The following KCNQ3 variants were observed in gnomAD, a reference collection of about 807,000 sequenced individuals.
KCNQ3 encodes potassium voltage-gated channel subfamily Q member 3.
In KCNQ3, 30 loss-of-function variants were observed where a neutral mutation model predicts 92.5. The observed-to-expected ratio is 0.32, with a 90% CI of 0.24 to 0.44. The LOEUF (loss-of-function observed/expected upper bound fraction) is 0.44, where lower values mean the gene tolerates loss of function less well. Among genes scored for constraint, KCNQ3 ranks in the 20% least tolerant of loss-of-function variants. The pLI is 1.00. For synonymous variants in KCNQ3, 450 were observed against 468.8 expected (o/e 0.96, Z 0.52); for missense variants, 913 against 1,140.3 (o/e 0.80, Z 2.87).
At chr8:132,396,945 TGTGC>T (rs1300638902) in intron 1 of KCNQ3, among the ~76,000 whole-genome samples, 22 of 143,926 alleles carry the variant, frequency 1.5e-4, no homozygotes, top group Non-Finnish European at 2.6e-4. Context: ...AAATTGTGTG[TGTGC>T]GTGTGTGTGT....
At chr8:132,212,235 C>T (rs1813884223) in intron 1 of KCNQ3, among the ~76,000 whole-genome samples, 1 of 152,072 alleles carries the variant, frequency 6.6e-6, no homozygotes, top group African/African-American at 2.4e-5. Context: ...AAGAATTTAG[C>T]TAATTCCTGC....
rs140541497 is a variant in KCNQ3, at chr8:132,404,428, T to C, written c.386+75719A>G. ...GTGATTAAAGTCCCTAATCAGATGA[T>C]TTTAAGAATGGGAAAGTATCCAAGA... On this transcript the variant is annotated intron_variant, in intron 1 of 14. Transcript: ENST00000388996. 8.6e-3 allele frequency among the ~76,000 whole-genome samples: 1,307 copies of C among 152,312 alleles called. 17 individuals are homozygous for C. The highest frequency in any genetic ancestry group is 0.012 in the Non-Finnish European group (849 of 68,028).
chr8:132,142,466 A>T (rs531578106), intron 9 of KCNQ3, among the ~76,000 whole-genome samples: 170 of 152,308 alleles, frequency 1.1e-3, no homozygotes, highest in Non-Finnish European at 1.9e-3. Flanking sequence ...TGTGACACAG[A>T]GCAGGTGCTC....
In KCNQ3 at chr8:132,137,941, C is replaced by A. The variant is rs775965122; in HGVS notation, c.1644G>T (p.Glu548Asp). 6.2e-7 allele frequency: 1 copy of A among 1,613,962 alleles called. No homozygotes were observed. The highest frequency in any genetic ancestry group is 1.7e-5 in the Admixed American group (1 of 60,022). ...TGTCGAGATGCCCGGCAGAATACTGCTCAATCACATCCTTCACATCGTAAG... is the reference window on the plus strand; with the variant it reads ...TGTCGAGATGCCCGGCAGAATACTGATCAATCACATCCTTCACATCGTAAG... ...LRPYDVKDVI[E>D]QYSAGHLDML... The change falls in exon 12 of 15, where the codon GAG becomes GAT. Residue 548 changes from glutamate (E) to aspartate (D), a missense_variant. Around this residue, in one of 6 missense-constraint regions of KCNQ3, gnomAD observed 182 missense variants for 234.5 expected, o/e 0.78. Transcript: ENST00000388996.
chr8:132,134,269 G>A, intron 13 of KCNQ3, 21 bp downstream of exon 13: 1 of 1,589,218 alleles, frequency 6.3e-7, no homozygotes, highest in Non-Finnish European at 8.6e-7. Flanking sequence ...TGGCCCATCA[G>A]TCCATGTCCA....
chr8:132,154,460 C>G (rs1043383058), intron 9 of KCNQ3, among the ~76,000 whole-genome samples: 4 of 152,066 alleles, frequency 2.6e-5, no homozygotes, highest in Non-Finnish European at 4.4e-5. Flanking sequence ...GCCGTTTTCC[C>G]AAAACAGCAC....
chr8:132,423,667 G>C (rs957720479), intron 1 of KCNQ3, among the ~76,000 whole-genome samples: 2 of 152,192 alleles, frequency 1.3e-5, no homozygotes, highest in African/African-American at 4.8e-5. Context: ...GTGCAGTTGG[G>C]TAAACTGGAG....
In KCNQ3 at chr8:132,136,118, CAAAAAAAAAAAAAAA is replaced by C. The variant is rs67331428; in HGVS notation, c.1701-1745_1701-1731del. ...TGGGTGACAGAGTGAGACTCCATCT[CAAAAAAAAAAAAAAA>C]AAAAAAAAAAAAAGAAAAGAGAAAG... On this transcript the variant is annotated intron_variant, in intron 12 of 14. Coordinates refer to ENST00000388996, the MANE Select transcript of KCNQ3 (RefSeq NM_004519.4). Among the ~76,000 whole-genome samples the C allele has an allele frequency of 3.7e-4, 15 of 40,018 alleles. No individual in the cohort carries two copies. In the South Asian group the frequency reaches 0.01, roughly 27 times the overall value. The allele number at this position is 40,018 out of a possible 152,430, so 26.3% of individuals were successfully genotyped here.
At chr8:132,375,899 G>T (rs555776898) in intron 1 of KCNQ3, among the ~76,000 whole-genome samples, 1 of 152,092 alleles carries the variant, frequency 6.6e-6, no homozygotes, top group East Asian at 1.9e-4. Context: ...CATGTCATTC[G>T]TCATGCTAGC....
At chr8:132,417,682 T>TC (rs1563903722) in intron 1 of KCNQ3, among the ~76,000 whole-genome samples, 9 of 116,116 alleles carry the variant, frequency 7.8e-5, no homozygotes, top group East Asian at 5.9e-4. Flanking sequence ...ATCCATCCAT[T>TC]CATTCATTCA....
intron 1 of KCNQ3, among the ~76,000 whole-genome samples, chr8:132,399,171 T>C (rs1305004287): frequency 3.3e-5 from 5 of 152,242 alleles, no homozygotes; most frequent in Non-Finnish European, 4.4e-5. Context: ...AGAATCAACT[T>C]GTTTTGCAGG....
intron 1 of KCNQ3, among the ~76,000 whole-genome samples, chr8:132,310,799 C>T (rs998867300): frequency 6.6e-6 from 1 of 152,134 alleles, no homozygotes; most frequent in Non-Finnish European, 1.5e-5. Context: ...AAACTATATC[C>T]GAATAAATCT....
chr8:132,396,277 T>C (rs1467356896), intron 1 of KCNQ3, among the ~76,000 whole-genome samples: 4 of 151,994 alleles, frequency 2.6e-5, no homozygotes, highest in African/African-American at 9.7e-5. Flanking sequence ...GAGCATCAAT[T>C]CTCTAACCAC....
At chr8:132,357,026 A>AAC (rs1819036744) in intron 1 of KCNQ3, among the ~76,000 whole-genome samples, 2 of 151,776 alleles carry the variant, frequency 1.3e-5, no homozygotes, top group African/African-American at 4.9e-5. Context: ...CAACAACAAC[A>AAC]ACAACAACAA....
chr8:132,195,150 A>G (rs1252840100), intron 1 of KCNQ3, among the ~76,000 whole-genome samples: 1 of 152,188 alleles, frequency 6.6e-6, no homozygotes, highest in African/African-American at 2.4e-5. Flanking sequence ...TTTAACATTT[A>G]TACTTTTTCT....
intron 1 of KCNQ3, among the ~76,000 whole-genome samples, chr8:132,238,287 G>T (rs1814880218): frequency 6.6e-6 from 1 of 152,104 alleles, no homozygotes; most frequent in Admixed American, 6.5e-5. Context: ...AAGACTAAAA[G>T]TTGGCCTATG....
intron 1 of KCNQ3, among the ~76,000 whole-genome samples, chr8:132,440,009 G>A (rs1248955285): frequency 1.3e-5 from 2 of 152,126 alleles, no homozygotes; most frequent in South Asian, 4.2e-4. Flanking sequence ...TGTACTATTT[G>A]CATAGAACCT....
At chr8:132,319,126 G>A (rs1327697617) in intron 1 of KCNQ3, among the ~76,000 whole-genome samples, 3 of 152,218 alleles carry the variant, frequency 2.0e-5, no homozygotes, top group Non-Finnish European at 2.9e-5. Flanking sequence ...TGGGGGAAAG[G>A]AGGGCATGTT....
At chr8:132,387,403 T>C (rs561291851) in intron 1 of KCNQ3, among the ~76,000 whole-genome samples, 9 of 152,318 alleles carry the variant, frequency 5.9e-5, no homozygotes, top group Admixed American at 5.9e-4. Flanking sequence ...GATACTTTCT[T>C]AATATGGCAA....
Sources: gnomAD v4.1 joint callset for allele counts (sites outside exome capture counted in the v4.1 genomes callset) on GRCh38, gnomAD v4.1.1 for gene constraint, gnomAD v4.1.1 regional missense constraint, MANE v1.5 for transcripts, NCBI Gene and HGNC (gene_info 2026-07-23, HGNC 2026-07-21) for gene names.